The following VPS53 variants were observed in gnomAD, a reference collection of about 807,000 sequenced individuals.
VPS53 encodes VPS53 subunit of GARP complex.
A neutral mutation model predicts 107.0 loss-of-function variants in VPS53; 70 were observed. The observed-to-expected ratio is 0.65, with a 90% CI of 0.54 to 0.80. VPS53 has a LOEUF of 0.80. Among genes scored for constraint, VPS53 ranks in the 30% least tolerant of loss-of-function variants. VPS53 has a pLI of 0.00. For synonymous variants in VPS53, 409 were observed against 393.3 expected (o/e 1.04, Z -0.47); for missense variants, 917 against 1,049.4 (o/e 0.87, Z 1.74).
chr17:704,322 C>T (rs1336304004), intron 2 of VPS53, among the ~76,000 whole-genome samples: 1 of 152,126 alleles, frequency 6.6e-6, no homozygotes, highest in Non-Finnish European at 1.5e-5. Context: ...ACTCAACAGG[C>T]TCCAGACAAC....
Position 511,697 on chromosome 17 carries a change from T to C in VPS53, c.*7431A>G, listed in dbSNP as rs1597229004. On this transcript the variant is annotated 3_prime_UTR_variant, in exon 22 of 22. Coordinates refer to ENST00000437048, the MANE Select transcript of VPS53 (RefSeq NM_001128159.3). ...TGAGCTCAGGCTTCCCAGTTAGAAC[T>C]GCCTGTCCCAAGTTAATCTTGCTTA... 1 of 152,078 alleles carries C rather than the reference T, an allele frequency of 6.6e-6. No homozygotes were observed. Among genetic ancestry groups the C allele is most frequent in the East Asian group, 1.9e-4 (1 of 5,180 alleles). The allele number at this position is 152,078 out of a possible 1,614,324, so 9.4% of individuals were successfully genotyped here.
intron 19 of VPS53, among the ~76,000 whole-genome samples, chr17:521,946 T>C (rs1369119473): frequency 6.6e-6 from 1 of 152,138 alleles, no homozygotes; most frequent in Non-Finnish European, 1.5e-5. Flanking sequence ...AGCCTATGTG[T>C]ACGTATATAA....
intron 11 of VPS53, 111 bp downstream of exon 11, chr17:623,422 T>C: frequency 1.5e-6 from 2 of 1,294,490 alleles, no homozygotes; most frequent in Non-Finnish European, 2.1e-6. Flanking sequence ...ATCACTGCAA[T>C]GAGGGGTTAA....
rs998138691 is a variant in VPS53, at chr17:524,508, C to T, written c.2086-2770G>A. 2.0e-5 allele frequency among the ~76,000 whole-genome samples: 3 copies of T among 152,168 alleles called. No homozygotes were observed. Among genetic ancestry groups the T allele is most frequent in the African/African-American group, 7.2e-5 (3 of 41,434 alleles). On this transcript the variant is annotated intron_variant, in intron 19 of 21. Coordinates refer to ENST00000437048, the MANE Select transcript of VPS53 (RefSeq NM_001128159.3). This position sits in a 1 kb window ranked among gnomAD's most constrained non-coding sequence, Gnocchi z 4.5. ...AACGGGGTTCCGAACATGAAGATTCCTACACATCAACAGGAAAAGCACAAA... is the reference window on the plus strand; with the variant it reads ...AACGGGGTTCCGAACATGAAGATTCTTACACATCAACAGGAAAAGCACAAA...
At chr17:702,386 C>T (rs1256714462) in intron 2 of VPS53, among the ~76,000 whole-genome samples, 1 of 152,080 alleles carries the variant, frequency 6.6e-6, no homozygotes, top group Non-Finnish European at 1.5e-5. Context: ...TAAAAATAGG[C>T]TGGGCGCGGT....
intron 5 of VPS53, among the ~76,000 whole-genome samples, chr17:658,993 C>A (rs1169224500): frequency 6.6e-6 from 1 of 151,810 alleles, no homozygotes; most frequent in Non-Finnish European, 1.5e-5. Context: ...CCCCATCAAG[C>A]CTTCTCTCCT....
intron 13 of VPS53, among the ~76,000 whole-genome samples, chr17:569,859 A>G (rs8077964): frequency 0.92 from 138,264 of 150,994 alleles, 63,404 homozygotes; most frequent in Admixed American, 0.95. Context: ...AGCCGAGATT[A>G]TGTCACTGCA....
Position 539,411 on chromosome 17 carries a change from T to C in VPS53, c.1867-2235A>G, listed in dbSNP as rs112810275. Among the ~76,000 whole-genome samples, 5 of 152,312 alleles carry C rather than the reference T, an allele frequency of 3.3e-5. 1 individual carries two copies. The highest frequency in any genetic ancestry group is 1.2e-4 in the African/African-American group (5 of 41,558). Reference sequence around the variant, plus strand: ...TGATTTGCTTTAATACTCTGGTCAGTCATGACTCCATTGGTCAAGCTAAAA... The same window carrying C: ...TGATTTGCTTTAATACTCTGGTCAGCCATGACTCCATTGGTCAAGCTAAAA... On this transcript the variant is annotated intron_variant, in intron 17 of 21. Transcript: ENST00000437048.
chr17:637,855 A>G (rs989859262), intron 7 of VPS53, among the ~76,000 whole-genome samples: 3 of 152,190 alleles, frequency 2.0e-5, no homozygotes, highest in African/African-American at 4.8e-5. Flanking sequence ...TCAATTTTGG[A>G]ATAAGTGCGA....
chr17:658,372 C>T (rs369215435), intron 5 of VPS53, among the ~76,000 whole-genome samples: 2 of 137,462 alleles, frequency 1.5e-5, no homozygotes, highest in East Asian at 2.2e-4. Flanking sequence ...GTGAGAAACT[C>T]GGCCGTGAGT....
chr17:528,377 TC>T lies in VPS53; in HGVS notation c.2085+4464del, dbSNP rs1306202027. On this transcript the variant is annotated intron_variant, in intron 19 of 21. Coordinates refer to ENST00000437048, the MANE Select transcript of VPS53 (RefSeq NM_001128159.3). ...GGTGGCTTTTTGTGTCTGGCTTCTT[TC>T]ACTTAACATGGTTTCAAGGCTCTTC... Among the ~76,000 whole-genome samples, 7 of 152,334 alleles carry T rather than the reference TC, an allele frequency of 4.6e-5. No individual in the cohort carries two copies. The South Asian group carries it at 1.2e-3, about 27-fold the overall frequency.
intron 11 of VPS53, among the ~76,000 whole-genome samples, chr17:621,912 A>G (rs1415895124): frequency 6.6e-6 from 1 of 151,982 alleles, no homozygotes; most frequent in African/African-American, 2.4e-5. Context: ...TCTCCCTAAT[A>G]TTCTGTTATT....
chr17:529,271 C>T (rs1909346167), intron 19 of VPS53, among the ~76,000 whole-genome samples: 1 of 152,196 alleles, frequency 6.6e-6, no homozygotes. Context: ...AATTACAATA[C>T]TGCTGCAATA....
chr17:551,759 T>G (rs1160996220), intron 17 of VPS53, 113 bp downstream of exon 17: 4 of 931,126 alleles, frequency 4.3e-6, no homozygotes, highest in Admixed American at 3.2e-5. Context: ...TCCATTCTCC[T>G]CAGCTGATCC....
rs762774032 is a variant in VPS53 at position 699,306 on chromosome 17, T to C, written c.218+25A>G. On this transcript the variant is annotated intron_variant, in intron 3 of 21. Coordinates refer to ENST00000437048, the MANE Select transcript of VPS53 (RefSeq NM_001128159.3). ...TTAACAATATACTTTTCATTAATTA[T>C]GAACAATCACACAGCTTTACTCACC... 13 of 1,510,908 alleles carry C rather than the reference T, an allele frequency of 8.6e-6. 1 individual carries two copies. In the South Asian group the frequency reaches 1.5e-4, roughly 17 times the overall value. 93.6% of individuals were successfully genotyped at this position (1,510,908 alleles called of 1,614,324 possible). A position where few individuals can be genotyped will look rare whatever the true frequency, so the allele number is the denominator to read the frequency against.
chr17:631,694 C>G, intron 7 of VPS53, 66 bp from the exon 8 acceptor site: 3 of 1,484,354 alleles, frequency 2.0e-6, no homozygotes, highest in South Asian at 1.1e-5. Context: ...CACCGATCCA[C>G]AGGGTCGGAA....
rs759519616 is a variant in VPS53, at chr17:628,186, C to T, written c.733G>A (p.Ala245Thr). 3 of 1,614,030 alleles carry T rather than the reference C, an allele frequency of 1.9e-6. No individual in the cohort carries two copies. Among genetic ancestry groups the T allele is most frequent in the East Asian group, 2.2e-5 (1 of 44,876 alleles). ...TTGATCCTGGGATCTAGAATATTAG[C>T]AACCAGACATGCATCTCGTAGAACA... ...SNVLRDACLV[A>T]NILDPRIKQE... is the part of the protein sequence containing the mutation. The change falls in exon 9 of 22, where the codon GCT (alanine) becomes ACT (threonine). Residue 245 changes from alanine (A) to threonine (T), a missense_variant. Transcript: ENST00000437048.
intron 5 of VPS53, chr17:657,676 A>G: frequency 3.6e-6 from 2 of 563,008 alleles, no homozygotes; most frequent in South Asian, 4.2e-5. Flanking sequence ...TACCAAACAC[A>G]AATACTGTAG....
intron 10 of VPS53, among the ~76,000 whole-genome samples, chr17:624,514 A>G (rs565244381): frequency 3.3e-5 from 5 of 152,348 alleles, no homozygotes; most frequent in African/African-American, 1.2e-4. Flanking sequence ...CTAAGCTACC[A>G]TCTTCTCACA....
Sources: allele counts gnomAD v4.1 joint callset (sites outside exome capture counted in the v4.1 genomes callset), GRCh38; gene constraint gnomAD v4.1.1; non-coding constraint Gnocchi (gnomAD v3.1); transcripts MANE v1.5; gene names NCBI Gene and HGNC (gene_info 2026-07-23, HGNC 2026-07-21).